Variants in NRXN1 observed in about 807,000 individuals in gnomAD.
The protein encoded by NRXN1 is neurexin-1.
A neutral mutation model predicts 150.9 loss-of-function variants in NRXN1; 39 were observed. That is an observed-to-expected ratio of 0.26 (90% CI 0.20 to 0.34). The LOEUF (loss-of-function observed/expected upper bound fraction) is 0.34. Among genes scored for constraint, NRXN1 ranks in the 10% least tolerant of loss-of-function variants. The probability of loss-of-function intolerance (pLI) is 1.00; values close to 1 mark genes in which losing one functional copy is unlikely to be tolerated. For synonymous variants in NRXN1, 924 were observed against 757.0 expected (o/e 1.22, Z -3.62); for missense variants, 1,815 against 1,949.9 (o/e 0.93, Z 1.30).
At chr2:50,160,193 T>G (rs2059276622) in intron 18 of NRXN1, among the ~76,000 whole-genome samples, 2 of 152,052 alleles carry the variant, frequency 1.3e-5, no homozygotes, top group Non-Finnish European at 2.9e-5. Context: ...ATATGATTTT[T>G]TCTTCTATCA....
chr2:50,689,462 TA>T (rs1691733316), intron 5 of NRXN1, among the ~76,000 whole-genome samples: 1 of 152,188 alleles, frequency 6.6e-6, no homozygotes, highest in South Asian at 2.1e-4. Context: ...TCTATATACA[TA>T]ACTGGACTCC....
intron 8 of NRXN1, among the ~76,000 whole-genome samples, chr2:50,559,405 T>G (rs1315665140): frequency 6.6e-6 from 1 of 152,220 alleles, no homozygotes; most frequent in Non-Finnish European, 1.5e-5. Flanking sequence ...ACACTTCCAA[T>G]TCAATCAGAC....
At chr2:50,913,740 A>G (rs543570532) in intron 5 of NRXN1, among the ~76,000 whole-genome samples, 1 of 151,918 alleles carries the variant, frequency 6.6e-6, no homozygotes, top group East Asian at 2.0e-4. Flanking sequence ...ATGGGGTCGT[A>G]GGTACATGGC....
intron 18 of NRXN1, among the ~76,000 whole-genome samples, chr2:50,169,222 A>G (rs998408899): frequency 2.0e-5 from 3 of 152,186 alleles, no homozygotes; most frequent in African/African-American, 7.2e-5. Context: ...GAAAGCAGTA[A>G]AAGATCCAGT....
intron 5 of NRXN1, chr2:50,829,347 C>A (rs1448216196): frequency 7.6e-6 from 6 of 791,594 alleles, no homozygotes; most frequent in Non-Finnish European, 1.0e-5. Context: ...TCAGGACAGT[C>A]AAACTCCCAA....
At chr2:50,438,260 G>A (rs1400425906) in intron 17 of NRXN1, among the ~76,000 whole-genome samples, 1 of 152,182 alleles carries the variant, frequency 6.6e-6, no homozygotes, top group South Asian at 2.1e-4. Context: ...CTGAGTTTTT[G>A]TGTTTCAATT....
intron 17 of NRXN1, among the ~76,000 whole-genome samples, chr2:50,315,342 A>G (rs2075514698): frequency 6.6e-6 from 1 of 152,110 alleles, no homozygotes; most frequent in Admixed American, 6.6e-5. Flanking sequence ...CTGGGTGACT[A>G]AAGAAGGGAG....
At chr2:50,899,373 G>A (rs1488348414) in intron 5 of NRXN1, among the ~76,000 whole-genome samples, 1 of 152,096 alleles carries the variant, frequency 6.6e-6, no homozygotes, top group African/African-American at 2.4e-5. Context: ...ATAGAATAAG[G>A]TGAGATGTGT....
intron 5 of NRXN1, among the ~76,000 whole-genome samples, chr2:50,750,492 AATG>A (rs1389439186): frequency 6.6e-6 from 1 of 152,052 alleles, no homozygotes; most frequent in African/African-American, 2.4e-5. Flanking sequence ...ACCTAATGCA[AATG>A]ATGAGATAAT....
intron 17 of NRXN1, 174 bp downstream of exon 17, chr2:50,465,268 C>T: frequency 2.1e-6 from 1 of 482,018 alleles, no homozygotes; most frequent in Non-Finnish European, 3.3e-6. Context: ...GATTTAGCCA[C>T]TTTAACAATT....
chr2:50,723,162 A>T (rs1441161153), intron 5 of NRXN1, among the ~76,000 whole-genome samples: 1 of 152,168 alleles, frequency 6.6e-6, no homozygotes, highest in Non-Finnish European at 1.5e-5. Flanking sequence ...AAGGAGAAAA[A>T]AAGAGCAAGA....
chr2:49,961,237 T>A (rs1675882046), intron 21 of NRXN1, among the ~76,000 whole-genome samples: 1 of 151,944 alleles, frequency 6.6e-6, no homozygotes, highest in Non-Finnish European at 1.5e-5. Context: ...AACGCATTAT[T>A]AGCTACCAAA....
chr2:50,092,609 T>C (rs1699740080), intron 18 of NRXN1, among the ~76,000 whole-genome samples: 1 of 152,228 alleles, frequency 6.6e-6, no homozygotes, highest in Non-Finnish European at 1.5e-5. Flanking sequence ...CCACATTCTC[T>C]TGACTCTTTG....
At position 50,828,272 on chromosome 2, in the gene NRXN1, C is replaced by A. The variant is rs1416559385; in HGVS notation, c.832+93597G>T. On this transcript the variant is annotated intron_variant, in intron 5 of 22. Transcript: ENST00000401669. The stretch of plus-strand genomic sequence containing the variant: ...ACGGGGCGGCTGGCCGGGCGGGGGG[C>A]TGACCCCCCCCACCTCCCTCCCGGA... 9.7e-5 allele frequency among the ~76,000 whole-genome samples: 14 copies of A among 144,344 alleles called. 1 individual carries two copies. Among genetic ancestry groups the A allele is most frequent in the Admixed American group, 8.1e-4 (12 of 14,754 alleles). The allele number at this position is 144,344 out of a possible 152,430, so 94.7% of individuals were successfully genotyped here.
At chr2:50,096,471 T>C (rs1053225654) in intron 18 of NRXN1, among the ~76,000 whole-genome samples, 2 of 152,210 alleles carry the variant, frequency 1.3e-5, no homozygotes, top group African/African-American at 4.8e-5. Context: ...CAAACTCTTA[T>C]TCTCTGGGAT....
At chr2:50,089,680 C>A (rs1409985819) in intron 19 of NRXN1, among the ~76,000 whole-genome samples, 1 of 151,234 alleles carries the variant, frequency 6.6e-6, no homozygotes, top group Non-Finnish European at 1.5e-5. Context: ...GTCCTAGCTA[C>A]TAGAGAGGCC....
chr2:50,542,576 C>A (rs1438290276), intron 9 of NRXN1, among the ~76,000 whole-genome samples: 1 of 152,036 alleles, frequency 6.6e-6, no homozygotes, highest in Non-Finnish European at 1.5e-5. Context: ...TTTAGAAAAT[C>A]TTTGTAAAAG....
chr2:50,678,142 G>A (rs968433749), intron 5 of NRXN1, among the ~76,000 whole-genome samples: 1 of 152,048 alleles, frequency 6.6e-6, no homozygotes, highest in Non-Finnish European at 1.5e-5. Flanking sequence ...TCTGCCCAAT[G>A]CGTCTGATTT....
chr2:50,054,819 T>C (rs955622083), intron 20 of NRXN1, 136 bp downstream of exon 20: 7 of 572,576 alleles, frequency 1.2e-5, no homozygotes, highest in Admixed American at 1.1e-4. Context: ...ACTATCTACA[T>C]TTTACTGTTT....
Sources: gnomAD v4.1 joint callset for allele counts (sites outside exome capture counted in the v4.1 genomes callset) on GRCh38, gnomAD v4.1.1 for gene constraint, MANE v1.5 for transcripts, NCBI Gene and HGNC (gene_info 2026-07-23, HGNC 2026-07-21) for gene names.